SNX6: variants seen among roughly 807,000 people sequenced by gnomAD.
SNX6 encodes the protein sorting nexin-6.
In SNX6, 34 loss-of-function variants were observed where a neutral mutation model predicts 63.0. The observed-to-expected ratio is 0.54, with a 90% CI of 0.41 to 0.72. The LOEUF (loss-of-function observed/expected upper bound fraction) is 0.72, where lower values mean the gene tolerates loss of function less well. SNX6 is among the 30% of genes least tolerant of loss of function. The probability of loss-of-function intolerance (pLI) is 0.00; values close to 1 mark genes in which losing one functional copy is unlikely to be tolerated. For synonymous variants in SNX6, 170 were observed against 164.2 expected (o/e 1.04, Z -0.27); for missense variants, 398 against 471.4 (o/e 0.84, Z 1.44).
At chr14:34,623,581 C>T (rs1004049698) in intron 2 of SNX6, among the ~76,000 whole-genome samples, 2 of 152,192 alleles carry the variant, frequency 1.3e-5, no homozygotes, top group South Asian at 4.1e-4. Flanking sequence ...CTGCTACTAT[C>T]CAAGCAGGAA....
In SNX6 at chr14:34,608,030, G is replaced by A. The variant is rs577143688; in HGVS notation, c.270C>T (p.Ile90=). 1.3e-5 allele frequency: 20 copies of A among 1,511,566 alleles called. No homozygotes were observed. The highest frequency in any genetic ancestry group is 7.1e-5 in the South Asian group (6 of 84,806). The allele number at this position is 1,511,566 out of a possible 1,614,324, so 93.6% of individuals were successfully genotyped here. ...FVENEDYAGY[I]IPPAPPRPDF... is the part of the protein sequence containing the mutation. Reference sequence around the variant, plus strand: ...ATTAAAATGGAGTCTCAATACTTACGATATAACCTGCATAGTCTTCATTTT... The same window carrying A: ...ATTAAAATGGAGTCTCAATACTTACAATATAACCTGCATAGTCTTCATTTT... The change falls in exon 4 of 14, where the codon ATC becomes ATT. Residue 90 remains isoleucine (I), a splice_region_variant and synonymous_variant. Coordinates refer to ENST00000362031, the MANE Select transcript of SNX6 (RefSeq NM_152233.4).
chr14:34,620,753 CA>C (rs1883591599), intron 2 of SNX6, among the ~76,000 whole-genome samples: 1 of 151,986 alleles, frequency 6.6e-6, no homozygotes, highest in South Asian at 2.1e-4. Flanking sequence ...CCAGCCTGGG[CA>C]ACATAGCGAA....
intron 2 of SNX6, among the ~76,000 whole-genome samples, chr14:34,611,004 T>A (rs974696932): frequency 1.3e-5 from 2 of 152,044 alleles, no homozygotes; most frequent in Non-Finnish European, 2.9e-5. Context: ...TATATATATA[T>A]AATTCTATTT....
intron 11 of SNX6, among the ~76,000 whole-genome samples, chr14:34,574,642 A>G (rs1475408119): frequency 1.4e-5 from 2 of 143,804 alleles, no homozygotes; most frequent in Non-Finnish European, 3.0e-5. Flanking sequence ...AAAAAAAAAA[A>G]GAAAGAAATC....
At chr14:34,571,758 T>C (rs1039424472) in intron 11 of SNX6, among the ~76,000 whole-genome samples, 1 of 152,208 alleles carries the variant, frequency 6.6e-6, no homozygotes, top group Non-Finnish European at 1.5e-5. Context: ...TATAACAATG[T>C]GTTTATCTCA....
chr14:34,563,746 T>G, intron 13 of SNX6, among the ~76,000 whole-genome samples: 1 of 151,706 alleles, frequency 6.6e-6, no homozygotes, highest in East Asian at 1.9e-4. Context: ...TTTTTTTCTT[T>G]TTTTTTTTCT....
At chr14:34,620,479 A>AAAAAAC (rs1013915884) in intron 2 of SNX6, among the ~76,000 whole-genome samples, 3 of 151,672 alleles carry the variant, frequency 2.0e-5, no homozygotes. Context: ...AGACTATGTC[A>AAAAAAC]AAAAACAAAA....
intron 2 of SNX6, among the ~76,000 whole-genome samples, chr14:34,619,467 G>A (rs149279910): frequency 6.6e-6 from 1 of 151,820 alleles, no homozygotes; most frequent in Non-Finnish European, 1.5e-5. Context: ...GAGAGAGAGA[G>A]ATAGAATAAA....
At chr14:34,598,837 CT>C (rs1282760504) in intron 6 of SNX6, among the ~76,000 whole-genome samples, 3 of 152,162 alleles carry the variant, frequency 2.0e-5, no homozygotes, top group African/African-American at 2.4e-5. Context: ...TGTGCTACAA[CT>C]GCACCTGTGA....
In SNX6 at chr14:34,562,803, C is replaced by A; in HGVS notation, c.*319G>T. The A allele has an allele frequency of 3.7e-6, 1 of 268,828 alleles. No homozygotes were observed. The highest frequency in any genetic ancestry group is 6.9e-6 in the Non-Finnish European group (1 of 144,516). 16.7% of individuals were successfully genotyped at this position (268,828 alleles called of 1,614,324 possible). On this transcript the variant is annotated 3_prime_UTR_variant, in exon 14 of 14. Coordinates refer to ENST00000362031, the MANE Select transcript of SNX6 (RefSeq NM_152233.4). ...ATTATTTAAAGGTAAATAAGAGTGGCAGCCATAAGGAATACTATTTATAAA... is the reference window on the plus strand; with the variant it reads ...ATTATTTAAAGGTAAATAAGAGTGGAAGCCATAAGGAATACTATTTATAAA...
intron 4 of SNX6, among the ~76,000 whole-genome samples, 188 bp downstream of exon 4, chr14:34,607,842 A>G (rs1028849110): frequency 4.6e-5 from 7 of 152,154 alleles, no homozygotes; most frequent in Admixed American, 1.3e-4. Flanking sequence ...CAGGAGGCAG[A>G]GGTTGCAGTG....
intron 2 of SNX6, among the ~76,000 whole-genome samples, chr14:34,612,059 G>A (rs999210984): frequency 3.3e-5 from 5 of 152,168 alleles, no homozygotes; most frequent in Non-Finnish European, 7.4e-5. Flanking sequence ...GATTACAGGC[G>A]TGAGCCACCG....
At chr14:34,569,214 C>T in intron 11 of SNX6, 3 of 623,590 alleles carry the variant, frequency 4.8e-6, no homozygotes, top group Non-Finnish European at 8.7e-6. Context: ...CCATGTACCA[C>T]ATAACTCACA....
chr14:34,565,205 G>A (rs971722453), intron 13 of SNX6, among the ~76,000 whole-genome samples: 3 of 151,346 alleles, frequency 2.0e-5, no homozygotes, highest in Non-Finnish European at 2.9e-5. Context: ...AGCTTCCCGA[G>A]TAGCTGGGAC....
chr14:34,610,079 C>T (rs1440017781), intron 2 of SNX6, among the ~76,000 whole-genome samples: 1 of 151,726 alleles, frequency 6.6e-6, no homozygotes, highest in African/African-American at 2.4e-5. Context: ...TGTGATGGCT[C>T]ATGTCTATAA....
intron 13 of SNX6, among the ~76,000 whole-genome samples, chr14:34,565,501 T>G (rs914466748): frequency 6.6e-6 from 1 of 152,176 alleles, no homozygotes; most frequent in Admixed American, 6.6e-5. Flanking sequence ...AGCAAAACTT[T>G]TGGTAGTTCA....
intron 11 of SNX6, among the ~76,000 whole-genome samples, chr14:34,574,673 T>C (rs1173517021): frequency 1.3e-5 from 2 of 151,394 alleles, no homozygotes; most frequent in Admixed American, 6.6e-5. Flanking sequence ...ACAACTGTTA[T>C]TCCAGGGTTT....
At chr14:34,607,981 A>C in intron 4 of SNX6, 49 bp downstream of exon 4, 1 of 937,538 alleles carries the variant, frequency 1.1e-6, no homozygotes, top group Non-Finnish European at 1.6e-6. Flanking sequence ...ATAACGAAGT[A>C]CCTAAAACCT....
At chr14:34,571,926 C>A (rs1452748874) in intron 11 of SNX6, among the ~76,000 whole-genome samples, 4 of 152,138 alleles carry the variant, frequency 2.6e-5, no homozygotes, top group Non-Finnish European at 5.9e-5. Context: ...TCCTGGCCTC[C>A]AGAAATCCTT....
Sources: gnomAD v4.1 joint callset for allele counts (sites outside exome capture counted in the v4.1 genomes callset) on GRCh38, gnomAD v4.1.1 for gene constraint, MANE v1.5 for transcripts, NCBI Gene and HGNC (gene_info 2026-07-23, HGNC 2026-07-21) for gene names.